Variants in ATP8B2 observed in about 807,000 individuals in gnomAD.
ATP8B2 encodes phospholipid-transporting ATPase ID.
ATP8B2 carries 70 observed loss-of-function variants against 133.4 expected under a neutral mutation model. The observed-to-expected ratio is 0.52, with a 90% CI of 0.43 to 0.64. The LOEUF is 0.64. Among genes scored for constraint, ATP8B2 ranks in the 30% least tolerant of loss-of-function variants. ATP8B2 has a pLI of 0.00. For synonymous variants in ATP8B2, 517 were observed against 589.5 expected (o/e 0.88, Z 1.78); for missense variants, 1,101 against 1,535.7 (o/e 0.72, Z 4.73).
chr1:154,330,075 T>TG (rs1387928991), intron 2 of ATP8B2, among the ~76,000 whole-genome samples: 3 of 152,266 alleles, frequency 2.0e-5, no homozygotes, highest in African/African-American at 7.2e-5. Context: ...CAAAAGGGGC[T>TG]GGGGAATCCC....
chr1:154,344,577 C>T lies in ATP8B2; in HGVS notation c.2142-64C>T, dbSNP rs1425967306. 1.3e-5 allele frequency: 21 copies of T among 1,609,714 alleles called. No individual in the cohort carries two copies. The highest frequency in any genetic ancestry group is 1.8e-5 in the Non-Finnish European group (21 of 1,176,582). On this transcript the variant is annotated intron_variant, in intron 20 of 27. Coordinates refer to ENST00000368489, the MANE Select transcript of ATP8B2 (RefSeq NM_001370597.1). This position sits in a 1 kb window ranked among gnomAD's most constrained non-coding sequence, Gnocchi z 4.1. Reference sequence around the variant, plus strand: ...GGTGGGGGTTTCTGGACCATTTAGACTTGAATCCCTGCTCCCCACTGCCGT... The same window carrying T: ...GGTGGGGGTTTCTGGACCATTTAGATTTGAATCCCTGCTCCCCACTGCCGT...
Position 154,342,472 on chromosome 1 carries a change from G to A in ATP8B2, c.1244-8G>A, listed in dbSNP as rs1036998952. 8 of 1,613,704 alleles carry A rather than the reference G, an allele frequency of 5.0e-6. No individual in the cohort carries two copies. The highest frequency in any genetic ancestry group is 5.9e-6 in the Non-Finnish European group (7 of 1,179,662). On this transcript the variant is annotated splice_region_variant and splice_polypyrimidine_tract_variant and intron_variant, in intron 13 of 27. Transcript: ENST00000368489. ...CATTGCTTCTTTTTCTGCCCTGGCTGTATGTAGGTGATGTGTTTGACGTCC... is the reference window on the plus strand; with the variant it reads ...CATTGCTTCTTTTTCTGCCCTGGCTATATGTAGGTGATGTGTTTGACGTCC...
At position 154,331,032 on chromosome 1, in the gene ATP8B2, T is replaced by G; in HGVS notation, c.205-16T>G. On this transcript the variant is annotated splice_polypyrimidine_tract_variant and intron_variant, in intron 4 of 27. Transcript: ENST00000368489. This position sits in a 1 kb window ranked among gnomAD's most constrained non-coding sequence, Gnocchi z 4.8. ...AGATGGGGCCTCAGAGGCATACTTCTCTTTCTTTTTTTCAGTTGATCCCCC... is the reference window on the plus strand; with the variant it reads ...AGATGGGGCCTCAGAGGCATACTTCGCTTTCTTTTTTTCAGTTGATCCCCC... 1 of 1,611,198 alleles carries G rather than the reference T, an allele frequency of 6.2e-7. No homozygotes were observed. Among genetic ancestry groups the G allele is most frequent in the Non-Finnish European group, 8.5e-7 (1 of 1,177,390 alleles).
At position 154,344,872 on chromosome 1, in the gene ATP8B2, G is replaced by C; in HGVS notation, c.2286+87G>C. 1 of 1,543,172 alleles carries C rather than the reference G, an allele frequency of 6.5e-7. No individual in the cohort carries two copies. The highest frequency in any genetic ancestry group is 2.3e-5 in the East Asian group (1 of 44,178). On this transcript the variant is annotated intron_variant, in intron 21 of 27. Coordinates refer to ENST00000368489, the MANE Select transcript of ATP8B2 (RefSeq NM_001370597.1). The surrounding 1 kb of genome is among the most constrained non-coding windows in gnomAD (Gnocchi z 4.1). ...TTTATATCTTGTTCTAATTTCCCCT[G>C]ATTTCAGAGAAGACTGGTCTCAAAG... is the stretch of plus-strand genomic sequence containing the variant.
At chr1:154,339,439 C>G (rs1019108024) in intron 12 of ATP8B2, among the ~76,000 whole-genome samples, 1 of 152,234 alleles carries the variant, frequency 6.6e-6, no homozygotes, top group Non-Finnish European at 1.5e-5. Flanking sequence ...ACTTAAGTGA[C>G]TGTACAGTTA....
At chr1:154,327,805 T>C (rs1685841871) in intron 1 of ATP8B2, 2 of 1,613,600 alleles carry the variant, frequency 1.2e-6, no homozygotes, top group Non-Finnish European at 1.7e-6. Context: ...CTGGGATGGA[T>C]ACCTTGAGAG....
chr1:154,344,434 C>T lies in ATP8B2; in HGVS notation c.2075C>T (p.Thr692Met), dbSNP rs367934414. Residue 692 changes from threonine to methionine, a missense_variant, in exon 20 of 28, where the codon ACG becomes ATG. Physicochemically the swap from Thr to Met is moderately conservative, Grantham distance 81. Coordinates refer to ENST00000368489, the MANE Select transcript of ATP8B2 (RefSeq NM_001370597.1). This position sits in a 1 kb window ranked among gnomAD's most constrained non-coding sequence, Gnocchi z 4.1. ...ATCGGCTATTCCTGCAAGATGCTGACGGATGACATGACTGAGGTTTTCATA... is the reference window on the plus strand; with the variant it reads ...ATCGGCTATTCCTGCAAGATGCTGATGGATGACATGACTGAGGTTTTCATA... ...VNIGYSCKML[T>M]DDMTEVFIVT... 3.2e-5 allele frequency: 51 copies of T among 1,614,002 alleles called. No homozygotes were observed. The highest frequency in any genetic ancestry group is 2.1e-4 in the South Asian group (19 of 91,084).
chr1:154,329,305 G>A (rs1477890169), intron 2 of ATP8B2, among the ~76,000 whole-genome samples: 1 of 152,200 alleles, frequency 6.6e-6, no homozygotes, highest in Non-Finnish European at 1.5e-5. Flanking sequence ...TGGGAGTGAA[G>A]TGGCTTGGTA....
rs750424336 is a variant in ATP8B2, at chr1:154,331,055, C to T, written c.212C>T (p.Pro71Leu). The T allele has an allele frequency of 2.5e-6, 4 of 1,613,818 alleles. No individual in the cohort carries two copies. The highest frequency in any genetic ancestry group is 3.4e-6 in the Non-Finnish European group (4 of 1,179,806). ...TCTCTTTCTTTTTTTCAGTTGATCC[C>T]CCAGATCTCTTCCCTGTCCTGGTTC... ...FLFLLILQLI[P>L]QISSLSWFTT... Residue 71 changes from proline to leucine, a missense_variant, in exon 5 of 28, where the codon CCC becomes CTC. Physicochemically the swap from Pro to Leu is moderately conservative, Grantham distance 98 (BLOSUM62 -3). Coordinates refer to ENST00000368489, the MANE Select transcript of ATP8B2 (RefSeq NM_001370597.1). The surrounding 1 kb of genome is among the most constrained non-coding windows in gnomAD (Gnocchi z 4.8).
chr1:154,344,877 C>T lies in ATP8B2; in HGVS notation c.2286+92C>T, dbSNP rs1686528217. On this transcript the variant is annotated intron_variant, in intron 21 of 27. Transcript: ENST00000368489. This position sits in a 1 kb window ranked among gnomAD's most constrained non-coding sequence, Gnocchi z 4.1. ...ATCTTGTTCTAATTTCCCCTGATTT[C>T]AGAGAAGACTGGTCTCAAAGGGGAC... 1 of 1,543,234 alleles carries T rather than the reference C, an allele frequency of 6.5e-7. No homozygotes were observed. The highest frequency in any genetic ancestry group is 8.7e-7 in the Non-Finnish European group (1 of 1,143,554).
rs763575003 is a variant in ATP8B2, at chr1:154,343,163, G to A, written c.1504G>A (p.Ala502Thr). 6.2e-7 allele frequency: 1 copy of A among 1,614,056 alleles called. No homozygotes were observed. The highest frequency in any genetic ancestry group is 8.5e-7 in the Non-Finnish European group (1 of 1,180,004). ...QSPDEGALVT[A>T]ARNFGFVFRS... ...CCCAGATGAGGGGGCCCTGGTCACC[G>A]CAGCCAGGAACTTTGGTTTTGTTTT... Residue 502 changes from alanine (A) to threonine (T), a missense_variant, in exon 16 of 28, where the codon GCA (alanine) becomes ACA (threonine). By Grantham distance (58) the Ala-to-Thr change is moderately conservative. Transcript: ENST00000368489. This position sits in a 1 kb window ranked among gnomAD's most constrained non-coding sequence, Gnocchi z 5.8.
At position 154,337,803 on chromosome 1, in the gene ATP8B2, A is replaced by G. The variant is rs1009335529; in HGVS notation, c.1034+259A>G. 5.2e-6 allele frequency: 7 copies of G among 1,358,906 alleles called. No individual in the cohort carries two copies. The African/African-American group carries it at 5.9e-5, about 11-fold the overall frequency. 84.2% of individuals were successfully genotyped at this position (1,358,906 alleles called of 1,614,324 possible). A position where few individuals can be genotyped will look rare whatever the true frequency, so the allele number is the denominator to read the frequency against. On this transcript the variant is annotated intron_variant, in intron 12 of 27. Coordinates refer to ENST00000368489, the MANE Select transcript of ATP8B2 (RefSeq NM_001370597.1). ...TTTATTACATGCCTACTGTGTACAA[A>G]GAAGTGTGCTAGGTGCCATCACAAA...
At position 154,340,464 on chromosome 1, in the gene ATP8B2, T is replaced by G; in HGVS notation, c.1035-390T>G. On this transcript the variant is annotated intron_variant, in intron 12 of 27. Transcript: ENST00000368489. This position sits in a 1 kb window ranked among gnomAD's most constrained non-coding sequence, Gnocchi z 4.0. ...TGGCATGCACAGCACCCTCATTATTTCTCTCTCTCTTTTCTCTCCCCTCCC... is the reference window on the plus strand; with the variant it reads ...TGGCATGCACAGCACCCTCATTATTGCTCTCTCTCTTTTCTCTCCCCTCCC... 4.8e-6 allele frequency: 1 copy of G among 209,856 alleles called. No homozygotes were observed. The highest frequency in any genetic ancestry group is 1.1e-5 in the Non-Finnish European group (1 of 93,746). The allele number at this position is 209,856 out of a possible 1,614,324, so 13.0% of individuals were successfully genotyped here.
intron 12 of ATP8B2, among the ~76,000 whole-genome samples, chr1:154,338,303 C>A (rs987780971): frequency 6.6e-6 from 1 of 152,166 alleles, no homozygotes; most frequent in African/African-American, 2.4e-5. Flanking sequence ...GGAAACATAG[C>A]TTGCTCCTGA....
chr1:154,337,859 C>T, intron 12 of ATP8B2: 1 of 944,042 alleles, frequency 1.1e-6, no homozygotes, highest in South Asian at 2.1e-5. Flanking sequence ...GATCTCCTTC[C>T]TTCTAGGAGC....
In ATP8B2 at chr1:154,331,170, T is replaced by C. The variant is rs200231498; in HGVS notation, c.303+24T>C. 2.4e-5 allele frequency: 38 copies of C among 1,601,574 alleles called. No homozygotes were observed. The East Asian group carries it at 3.6e-4, about 15-fold the overall frequency. ...ATGTGAGTGGTTTTCATTCTTCTAT[T>C]TTGTCCCAGTCACCCACCCCTACTC... is the stretch of plus-strand genomic sequence containing the variant. On this transcript the variant is annotated intron_variant, in intron 5 of 27. Coordinates refer to ENST00000368489, the MANE Select transcript of ATP8B2 (RefSeq NM_001370597.1). This position sits in a 1 kb window ranked among gnomAD's most constrained non-coding sequence, Gnocchi z 4.8.
Position 154,346,050 on chromosome 1 carries a change from C to G in ATP8B2, c.2778+167C>G, listed in dbSNP as rs1374244501. On this transcript the variant is annotated intron_variant, in intron 24 of 27. Transcript: ENST00000368489. This position sits in a 1 kb window ranked among gnomAD's most constrained non-coding sequence, Gnocchi z 4.5. ...GTTCTCCCTCCTGGCTGCAGCTGATCTAGAACTCTCTTGGGTTGCTGAACT... is the reference window on the plus strand; with the variant it reads ...GTTCTCCCTCCTGGCTGCAGCTGATGTAGAACTCTCTTGGGTTGCTGAACT... Among the ~76,000 whole-genome samples, 2 of 152,134 alleles carry G rather than the reference C, an allele frequency of 1.3e-5. No individual in the cohort carries two copies. The highest frequency in any genetic ancestry group is 2.9e-5 in the Non-Finnish European group (2 of 68,016).
chr1:154,338,287 A>G (rs148750478), intron 12 of ATP8B2, among the ~76,000 whole-genome samples: 213 of 152,332 alleles, frequency 1.4e-3, no homozygotes, highest in African/African-American at 4.9e-3. Flanking sequence ...GCCAAGAGCA[A>G]GAGCTGGAAA....
At chr1:154,348,365 T>C in intron 26 of ATP8B2, 43 bp from the exon 27 acceptor site, 1 of 1,568,934 alleles carries the variant, frequency 6.4e-7, no homozygotes. Flanking sequence ...GGGGAATGTC[T>C]GCCTCGTGAC....
Sources: gnomAD v4.1 joint callset for allele counts (sites outside exome capture counted in the v4.1 genomes callset) on GRCh38, gnomAD v4.1.1 for gene constraint, Gnocchi (gnomAD v3.1) non-coding constraint, MANE v1.5 for transcripts, NCBI Gene and HGNC (gene_info 2026-07-23, HGNC 2026-07-21) for gene names.